The following RAD51AP1 variants were observed in gnomAD, a reference collection of about 807,000 sequenced individuals.
The protein encoded by RAD51AP1 is RAD51-associated protein 1.
RAD51AP1 carries 14 observed loss-of-function variants against 34.3 expected under a neutral mutation model. The observed-to-expected ratio is 0.41, with a 90% CI of 0.27 to 0.64. RAD51AP1 has a LOEUF of 0.64. Among genes scored for constraint, RAD51AP1 ranks in the 30% least tolerant of loss-of-function variants. The pLI, the probability that RAD51AP1 is intolerant of heterozygous loss-of-function variation, is 0.33. For missense variants in RAD51AP1, 348 were observed against 386.9 expected, an observed-to-expected ratio of 0.90 and a Z score of 0.84; for synonymous variants, 114 against 129.8, an observed-to-expected ratio of 0.88 and a Z score of 0.83.
At chr12:4,542,002 T>A (rs1216552916) in intron 2 of RAD51AP1, 69 bp downstream of exon 2, 3 of 1,068,718 alleles carry the variant, frequency 2.8e-6, no homozygotes, top group Non-Finnish European at 2.7e-6. Flanking sequence ...ATATGACATA[T>A]ATAGCTCAAA....
intron 1 of RAD51AP1, among the ~76,000 whole-genome samples, chr12:4,540,952 G>T (rs1170898372): frequency 6.6e-6 from 1 of 152,068 alleles, no homozygotes; most frequent in Non-Finnish European, 1.5e-5. Flanking sequence ...GACAAATTAG[G>T]TTATTCACAT....
chr12:4,557,992 G>C (rs1227244700), intron 8 of RAD51AP1, among the ~76,000 whole-genome samples: 1 of 151,576 alleles, frequency 6.6e-6, no homozygotes, highest in Non-Finnish European at 1.5e-5. Flanking sequence ...TGTTGTTGTT[G>C]TTAGCACCAT....
At chr12:4,556,682 G>A (rs931315977) in intron 8 of RAD51AP1, 180 bp downstream of exon 8, 10 of 659,220 alleles carry the variant, frequency 1.5e-5, no homozygotes, top group Non-Finnish European at 2.5e-5. Context: ...TGGACATCCA[G>A]GTTTATTATT....
chr12:4,553,804 T>TTGCAATATTAACTGA (rs560069679), intron 7 of RAD51AP1, among the ~76,000 whole-genome samples: 83 of 152,336 alleles, frequency 5.4e-4, no homozygotes, highest in African/African-American at 1.9e-3. Flanking sequence ...AAAATATAAC[T>TTGCAATATTAACTGA]GTCATTAACT....
intron 7 of RAD51AP1, among the ~76,000 whole-genome samples, chr12:4,553,660 A>G (rs1944562848): frequency 6.6e-6 from 1 of 151,644 alleles, no homozygotes; most frequent in Admixed American, 6.6e-5. Flanking sequence ...TTATTTCCCC[A>G]AAACAAATTC....
intron 4 of RAD51AP1, among the ~76,000 whole-genome samples, chr12:4,547,270 C>T (rs765604602): frequency 7.9e-5 from 12 of 152,096 alleles, no homozygotes; most frequent in Non-Finnish European, 5.9e-5. Context: ...CACTATGTTG[C>T]GCATGCTGCC....
At chr12:4,557,388 G>T (rs1276532176) in intron 8 of RAD51AP1, among the ~76,000 whole-genome samples, 1 of 152,118 alleles carries the variant, frequency 6.6e-6, no homozygotes, top group Non-Finnish European at 1.5e-5. Flanking sequence ...GAGGCTGCAT[G>T]ATTACTTAAC....
intron 1 of RAD51AP1, 60 bp downstream of exon 1, chr12:4,539,016 C>A: frequency 6.3e-7 from 1 of 1,577,968 alleles, no homozygotes; most frequent in Non-Finnish European, 8.7e-7. Context: ...AGACATGAGA[C>A]TAAGGGGAAA....
intron 8 of RAD51AP1, 58 bp from the exon 9 acceptor site, chr12:4,558,799 T>A: frequency 6.3e-7 from 1 of 1,579,962 alleles, no homozygotes; most frequent in Non-Finnish European, 8.6e-7. Context: ...TTTTATAAAT[T>A]AATCTTTGTT....
At chr12:4,544,050 AT>A in intron 3 of RAD51AP1, 146 bp downstream of exon 3, 1 of 564,782 alleles carries the variant, frequency 1.8e-6, no homozygotes, top group Non-Finnish European at 2.9e-6. Flanking sequence ...AGGACGTACT[AT>A]TTTTTTCTGG....
rs1591771611 is a variant in RAD51AP1 at position 4,546,230 on chromosome 12, T to C, written c.210-79T>C. The C allele has an allele frequency of 5.6e-6, 6 of 1,066,736 alleles. No individual in the cohort carries two copies. In the East Asian group the frequency reaches 1.4e-4, roughly 26 times the overall value. 66.1% of individuals were successfully genotyped at this position (1,066,736 alleles called of 1,614,324 possible). On this transcript the variant is annotated intron_variant, in intron 3 of 8. Coordinates refer to ENST00000352618, the MANE Select transcript of RAD51AP1 (RefSeq NM_006479.5). ...AAGTTAGCAACTCTTGAATAGTAAT[T>C]TGGAGAAATCTCAAACTTTGCTCTT...
intron 1 of RAD51AP1, among the ~76,000 whole-genome samples, chr12:4,541,094 G>A (rs1299512574): frequency 2.0e-5 from 3 of 152,114 alleles, no homozygotes; most frequent in African/African-American, 7.2e-5. Flanking sequence ...AGTAGTACAA[G>A]TTGAGCATCC....
chr12:4,539,866 G>T (rs1944445631), intron 1 of RAD51AP1, among the ~76,000 whole-genome samples: 1 of 152,174 alleles, frequency 6.6e-6, no homozygotes, highest in South Asian at 2.1e-4. Context: ...TAAGTCAATG[G>T]GAAGTCAGTG....
Position 4,541,922 on chromosome 12 carries a change from C to G in RAD51AP1, c.56C>G (p.Ser19Cys). Reference sequence around the variant, plus strand: ...GTCAATTACTCACAGTTTGACCACTCTGACAGTGATGGTAAGTAAAGCTTC... The same window carrying G: ...GTCAATTACTCACAGTTTGACCACTGTGACAGTGATGGTAAGTAAAGCTTC... ...KPVNYSQFDH[S>C]DSDDDFVSAT... The change falls in exon 2 of 9, where the codon TCT becomes TGT. Residue 19 changes from serine to cysteine, a missense_variant. By Grantham distance (112) the Ser-to-Cys change is moderately radical (BLOSUM62 -1). Coordinates refer to ENST00000352618, the MANE Select transcript of RAD51AP1 (RefSeq NM_006479.5). The G allele has an allele frequency of 6.6e-7, 1 of 1,523,686 alleles. No homozygotes were observed. The highest frequency in any genetic ancestry group is 8.8e-7 in the Non-Finnish European group (1 of 1,132,618). The allele number at this position is 1,523,686 out of a possible 1,614,324, so 94.4% of individuals were successfully genotyped here. A position where few individuals can be genotyped will look rare whatever the true frequency, so the allele number is the denominator to read the frequency against.
intron 1 of RAD51AP1, among the ~76,000 whole-genome samples, chr12:4,541,185 G>A (rs1465768752): frequency 6.6e-6 from 1 of 152,122 alleles, no homozygotes; most frequent in East Asian, 1.9e-4. Flanking sequence ...GAGCACTTCA[G>A]ATTTTAGATT....
chr12:4,551,633 G>C (rs1186152176), intron 6 of RAD51AP1, among the ~76,000 whole-genome samples: 4 of 152,212 alleles, frequency 2.6e-5, no homozygotes, highest in African/African-American at 7.2e-5. Flanking sequence ...ACAGGGAGAA[G>C]ATACTGCTCT....
intron 6 of RAD51AP1, among the ~76,000 whole-genome samples, chr12:4,549,501 A>T: frequency 6.6e-6 from 1 of 152,188 alleles, no homozygotes; most frequent in East Asian, 1.9e-4. Context: ...CTAATATTTG[A>T]ATGCTTTTTA....
At chr12:4,558,487 A>G (rs1172365379) in intron 8 of RAD51AP1, among the ~76,000 whole-genome samples, 1 of 152,208 alleles carries the variant, frequency 6.6e-6, no homozygotes, top group Non-Finnish European at 1.5e-5. Context: ...TAGACTCTTC[A>G]AGGACTACTT....
chr12:4,549,306 T>C (rs1485238612), intron 6 of RAD51AP1, among the ~76,000 whole-genome samples: 1 of 152,202 alleles, frequency 6.6e-6, no homozygotes, highest in Non-Finnish European at 1.5e-5. Flanking sequence ...ATTATGATGG[T>C]TTTTAGACTC....
Sources: allele counts gnomAD v4.1 joint callset (sites outside exome capture counted in the v4.1 genomes callset), GRCh38; gene constraint gnomAD v4.1.1; transcripts MANE v1.5; gene names NCBI Gene and HGNC (gene_info 2026-07-23, HGNC 2026-07-21).